The following PKHD1L1 variants were observed in gnomAD, a reference collection of about 807,000 sequenced individuals.
PKHD1L1 encodes PKHD1 like 1, also known as fibrocystin-L.
Under a neutral mutation model 462.9 loss-of-function variants are expected in PKHD1L1, and 434 were observed. The ratio of observed to expected loss-of-function variants is 0.94; its 90% CI spans 0.87 to 1.02. PKHD1L1 has a LOEUF of 1.02. PKHD1L1 is among the 50% of genes least tolerant of loss of function. PKHD1L1 has a pLI of 0.00. For synonymous variants in PKHD1L1, 1,781 were observed against 1,750.0 expected (o/e 1.02, Z -0.44); for missense variants, 5,202 against 5,096.1 (o/e 1.02, Z -0.63).
intron 2 of PKHD1L1, among the ~76,000 whole-genome samples, chr8:109,366,145 T>TC (rs2130300241): frequency 6.6e-6 from 1 of 152,312 alleles, no homozygotes; most frequent in South Asian, 2.1e-4. Flanking sequence ...TCCTTTTAAA[T>TC]CTAGCTAAAA....
At chr8:109,457,614 GTTATA>G (rs1816896398) in intron 46 of PKHD1L1, among the ~76,000 whole-genome samples, 1 of 152,052 alleles carries the variant, frequency 6.6e-6, no homozygotes, top group East Asian at 1.9e-4. Context: ...TAGTTCTGTA[GTTATA>G]TTATTTTACT....
intron 9 of PKHD1L1, among the ~76,000 whole-genome samples, chr8:109,392,646 T>G (rs1174527648): frequency 6.6e-6 from 1 of 152,098 alleles, no homozygotes; most frequent in Non-Finnish European, 1.5e-5. Flanking sequence ...TAAGATTACA[T>G]TTAGGTAATC....
intron 50 of PKHD1L1, among the ~76,000 whole-genome samples, chr8:109,468,465 G>A (rs754385617): frequency 3.3e-5 from 5 of 152,118 alleles, no homozygotes; most frequent in African/African-American, 7.2e-5. Context: ...TTCTGATGCC[G>A]TAAGACTCAT....
At chr8:109,404,736 C>T in intron 15 of PKHD1L1, 23 bp downstream of exon 15, 3 of 1,568,196 alleles carry the variant, frequency 1.9e-6, no homozygotes, top group Non-Finnish European at 1.7e-6. Context: ...TGCAGTTCCT[C>T]TTACAGAAAG....
Position 109,425,141 on chromosome 8 carries a change from C to T in PKHD1L1, c.2754C>T (p.Gly918=), listed in dbSNP as rs373261768. The change falls in exon 24 of 78, where the codon GGC becomes GGT. Residue 918 remains glycine (G), a synonymous_variant. Transcript: ENST00000378402. The part of the protein sequence containing the change: ...EFVYRGNNWP[G]ESKIHIQRIQ... ...TCTACAGAGGAAATAATTGGCCAGG[C>T]GAGTCAAAAATTCATATTCAAAGAA... The T allele has an allele frequency of 4.6e-4, 736 of 1,607,064 alleles. No individual in the cohort carries two copies. The highest frequency in any genetic ancestry group is 5.7e-4 in the Non-Finnish European group (665 of 1,176,930).
At chr8:109,479,519 A>G in intron 53 of PKHD1L1, 32 bp from the exon 54 acceptor site, 1 of 1,295,758 alleles carries the variant, frequency 7.7e-7, no homozygotes, top group African/African-American at 1.5e-5. Context: ...CACAAGTAGT[A>G]ATTCATGGAA....
chr8:109,418,776 A>G (rs1016585155), intron 21 of PKHD1L1, among the ~76,000 whole-genome samples: 2 of 152,178 alleles, frequency 1.3e-5, no homozygotes, highest in African/African-American at 4.8e-5. Context: ...TTGTTTTGTT[A>G]ATATGCTCTA....
chr8:109,470,768 G>GT (rs1586580858), intron 50 of PKHD1L1: 2 of 1,536,336 alleles, frequency 1.3e-6, no homozygotes, highest in Non-Finnish European at 1.8e-6. Flanking sequence ...AGGGAGGACT[G>GT]TTTTTTCATA....
Position 109,406,372 on chromosome 8 carries a change from A to C in PKHD1L1, c.1707A>C (p.Gln569His). ...LPADASEFIL[Q>H]SALNDLWSIK... ...CTGATGCTTCTGAATTCATACTGCA[A>C]TCAGCCTTGAATGACCTCTGGTCTA... The change falls in exon 17 of 78, where the codon CAA becomes CAC. Residue 569 changes from glutamine to histidine, a missense_variant. Physicochemically the swap from Gln to His is conservative, Grantham distance 24 (BLOSUM62 0). Coordinates refer to ENST00000378402, the MANE Select transcript of PKHD1L1 (RefSeq NM_177531.6). The C allele has an allele frequency of 6.4e-7, 1 of 1,558,800 alleles. No individual in the cohort carries two copies. The highest frequency in any genetic ancestry group is 8.7e-7 in the Non-Finnish European group (1 of 1,150,490).
chr8:109,504,523 T>C (rs971186793), intron 68 of PKHD1L1, 31 bp downstream of exon 68: 6 of 1,329,226 alleles, frequency 4.5e-6, no homozygotes, highest in Non-Finnish European at 5.0e-6. Context: ...GGTTTTTCTA[T>C]CTTTATAGTT....
At chr8:109,523,479 G>T in intron 76 of PKHD1L1, 93 bp downstream of exon 76, 5 of 1,232,188 alleles carry the variant, frequency 4.1e-6, no homozygotes, top group East Asian at 2.5e-5. Flanking sequence ...GTAACACTCT[G>T]GTCAATAAAT....
Position 109,382,583 on chromosome 8 carries a change from T to C in PKHD1L1, c.417+12T>C, listed in dbSNP as rs755008025. 1 of 1,596,574 alleles carries C rather than the reference T, an allele frequency of 6.3e-7. No homozygotes were observed. The highest frequency in any genetic ancestry group is 8.6e-7 in the Non-Finnish European group (1 of 1,169,442). ...AATGTACCTTCAACGTATGTAGGAA[T>C]CTTCTCTTCAGTTTATGTATAGTTG... On this transcript the variant is annotated intron_variant, in intron 4 of 77. Coordinates refer to ENST00000378402, the MANE Select transcript of PKHD1L1 (RefSeq NM_177531.6).
At position 109,452,718 on chromosome 8, in the gene PKHD1L1, G is replaced by A. The variant is rs745316797; in HGVS notation, c.6508G>A (p.Asp2170Asn). ...TAAGGTCTCTTATGTTCTATTACAG[G>A]ATAATGCTGACTTTCTTTATGTTGA... is the stretch of plus-strand genomic sequence containing the variant. Reference protein sequence around the residue: ...HIRGVGMAKLDNADFLYVDAW... With the variant: ...HIRGVGMAKLNNADFLYVDAW... The change falls in exon 43 of 78, where the codon GAT (aspartate) becomes AAT (asparagine). Residue 2170 changes from aspartate to asparagine, a missense_variant and splice_region_variant. Around this residue, in one of 3 missense-constraint regions of PKHD1L1, gnomAD observed 4,497 missense variants for 4,336.8 expected, o/e 1.04. Transcript: ENST00000378402. The A allele has an allele frequency of 2.3e-5, 35 of 1,521,080 alleles. No individual in the cohort carries two copies. The highest frequency in any genetic ancestry group is 1.4e-5 in the African/African-American group (1 of 71,096). 94.2% of individuals were successfully genotyped at this position (1,521,080 alleles called of 1,614,324 possible).
intron 73 of PKHD1L1, 54 bp downstream of exon 73, chr8:109,518,562 A>G: frequency 2.1e-6 from 3 of 1,417,928 alleles, no homozygotes; most frequent in South Asian, 1.3e-5. Context: ...ATCCATATCC[A>G]TAAATAACCT....
Position 109,532,044 on chromosome 8 carries a change from AC to A in PKHD1L1, c.*1955del, listed in dbSNP as rs1305030767. ...CCTACATTTGGGTTCTGGAAGAGAT[AC>A]AAAAATATTCTTCACACCAGAACAT... On this transcript the variant is annotated 3_prime_UTR_variant, in exon 78 of 78. Transcript: ENST00000378402. 6.6e-6 allele frequency among the ~76,000 whole-genome samples: 1 copy of A among 152,226 alleles called. No individual in the cohort carries two copies. The highest frequency in any genetic ancestry group is 1.5e-5 in the Non-Finnish European group (1 of 68,032).
At chr8:109,495,279 A>G (rs1369026623) in intron 63 of PKHD1L1, among the ~76,000 whole-genome samples, 2 of 152,252 alleles carry the variant, frequency 1.3e-5, no homozygotes, top group East Asian at 1.9e-4. Context: ...AATTTAAAAT[A>G]TGTAATTTCT....
chr8:109,406,195 T>C, intron 16 of PKHD1L1, 140 bp from the exon 17 acceptor site: 1 of 694,080 alleles, frequency 1.4e-6, no homozygotes, highest in South Asian at 3.9e-5. Context: ...CAAAATACAA[T>C]TTCTCTAAGT....
At chr8:109,448,574 C>T (rs1281982058) in intron 39 of PKHD1L1, among the ~76,000 whole-genome samples, 183 bp downstream of exon 39, 3 of 150,796 alleles carry the variant, frequency 2.0e-5, no homozygotes, top group South Asian at 2.1e-4. Flanking sequence ...TGCAGTGGCG[C>T]GATCTTGGCT....
In PKHD1L1 at chr8:109,478,748, C is replaced by G. The variant is rs573861518; in HGVS notation, c.9090-803C>G. ...ACTACTATAACAGATTTAGATTGCT[C>G]TAGGCCAGAATGTGATAAAGGTAAA... On this transcript the variant is annotated intron_variant, in intron 53 of 77. Transcript: ENST00000378402. 5.4e-4 allele frequency among the ~76,000 whole-genome samples: 82 copies of G among 152,150 alleles called. 1 individual carries two copies. The South Asian group carries it at 7.3e-3, about 13-fold the overall frequency.
Sources: gnomAD v4.1 joint callset for allele counts (sites outside exome capture counted in the v4.1 genomes callset) on GRCh38, gnomAD v4.1.1 for gene constraint, gnomAD v4.1.1 regional missense constraint, MANE v1.5 for transcripts, NCBI Gene and HGNC (gene_info 2026-07-23, HGNC 2026-07-21) for gene names.